Variants in CAMK1D observed in about 807,000 individuals in gnomAD.
CAMK1D encodes the protein calcium/calmodulin dependent protein kinase ID, also known as calcium/calmodulin-dependent protein kinase type 1D.
CAMK1D carries 9 observed loss-of-function variants against 47.7 expected under a neutral mutation model. The ratio of observed to expected loss-of-function variants is 0.19; its 90% CI spans 0.11 to 0.33. The LOEUF (loss-of-function observed/expected upper bound fraction) is 0.33, where lower values mean the gene tolerates loss of function less well. Ranked by LOEUF, CAMK1D falls within the 10% of genes least tolerant of loss-of-function variation. The pLI, the probability that CAMK1D is intolerant of heterozygous loss-of-function variation, is 1.00. For synonymous variants in CAMK1D, 184 were observed against 184.9 expected (o/e 0.99, Z 0.04); for missense variants, 291 against 488.7 (o/e 0.60, Z 3.81).
Position 12,550,244 on chromosome 10 carries a change from A to G in CAMK1D, c.93-2981A>G, listed in dbSNP as rs534065775. On this transcript the variant is annotated intron_variant, in intron 1 of 10. Coordinates refer to ENST00000619168, the MANE Select transcript of CAMK1D (RefSeq NM_153498.4). ...TTAGGGACTCAAGTGGCCAACAGGG[A>G]AACTGAATGAACGAATGAATGAATG... 3.9e-5 allele frequency among the ~76,000 whole-genome samples: 6 copies of G among 152,354 alleles called. No homozygotes were observed. In the East Asian group the frequency reaches 1.2e-3, roughly 29 times the overall value.
intron 1 of CAMK1D, among the ~76,000 whole-genome samples, chr10:12,446,046 T>C (rs1426147417): frequency 6.6e-6 from 1 of 152,214 alleles, no homozygotes; most frequent in Non-Finnish European, 1.5e-5. Context: ...TTTGCAGATA[T>C]GAAATACAGT....
At chr10:12,490,660 A>G (rs2492952) in intron 1 of CAMK1D, among the ~76,000 whole-genome samples, 33,217 of 152,166 alleles carry the variant, frequency 0.22, 3,995 homozygotes, top group East Asian at 0.37. Context: ...AGCCTGGCCA[A>G]TATGGTGAAA....
intron 1 of CAMK1D, among the ~76,000 whole-genome samples, chr10:12,510,222 C>T (rs1834998690): frequency 6.6e-6 from 1 of 152,210 alleles, no homozygotes; most frequent in Non-Finnish European, 1.5e-5. Context: ...CAAGACCAGC[C>T]TGGCCAACAT....
intron 1 of CAMK1D, among the ~76,000 whole-genome samples, chr10:12,363,050 C>A (rs34289642): frequency 6.6e-6 from 1 of 151,358 alleles, no homozygotes; most frequent in East Asian, 1.9e-4. Context: ...AAGCAATTCT[C>A]CTGTCTCAGC....
chr10:12,432,393 A>G (rs1312060469), intron 1 of CAMK1D, among the ~76,000 whole-genome samples: 3 of 152,210 alleles, frequency 2.0e-5, no homozygotes, highest in Admixed American at 2.0e-4. Flanking sequence ...TGGTTTGAAG[A>G]CTTTTGCTTT....
chr10:12,550,079 G>A (rs2132266249), intron 1 of CAMK1D, among the ~76,000 whole-genome samples: 3 of 152,342 alleles, frequency 2.0e-5, no homozygotes, highest in African/African-American at 7.2e-5. Context: ...GCGAGGGGCA[G>A]CCCAGGAGGA....
intron 1 of CAMK1D, among the ~76,000 whole-genome samples, chr10:12,439,652 A>G (rs1413446060): frequency 6.6e-6 from 1 of 152,148 alleles, no homozygotes; most frequent in African/African-American, 2.4e-5. Context: ...GGGATCGAGG[A>G]CTTACTTGTT....
At chr10:12,498,590 A>C (rs1476956858) in intron 1 of CAMK1D, among the ~76,000 whole-genome samples, 1 of 152,246 alleles carries the variant, frequency 6.6e-6, no homozygotes, top group African/African-American at 2.4e-5. Flanking sequence ...GCGTTGAGTT[A>C]GTTCTCATCA....
chr10:12,351,111 C>A (rs970268253), intron 1 of CAMK1D, among the ~76,000 whole-genome samples: 1 of 152,132 alleles, frequency 6.6e-6, no homozygotes, highest in Non-Finnish European at 1.5e-5. Context: ...TTTCCCCTCA[C>A]CCCCACGCAG....
chr10:12,478,642 A>G (rs966879319), intron 1 of CAMK1D, among the ~76,000 whole-genome samples: 3 of 152,086 alleles, frequency 2.0e-5, no homozygotes, highest in Admixed American at 6.6e-5. Flanking sequence ...TCCAAATCCA[A>G]GGTACTTGAG....
At chr10:12,566,095 G>C (rs776987799) in intron 2 of CAMK1D, among the ~76,000 whole-genome samples, 2 of 152,130 alleles carry the variant, frequency 1.3e-5, no homozygotes, top group Non-Finnish European at 2.9e-5. Flanking sequence ...TCAGGATAAT[G>C]GGGATGATAA....
At chr10:12,785,458 C>T (rs1217478342) in intron 5 of CAMK1D, among the ~76,000 whole-genome samples, 3 of 152,190 alleles carry the variant, frequency 2.0e-5, no homozygotes, top group African/African-American at 4.8e-5. Context: ...CCCAATCACA[C>T]GTGAATTCTG....
At chr10:12,814,504 C>T (rs1017580010) in intron 7 of CAMK1D, among the ~76,000 whole-genome samples, 197 bp downstream of exon 7, 2 of 152,162 alleles carry the variant, frequency 1.3e-5, no homozygotes, top group Non-Finnish European at 2.9e-5. Context: ...GCTCTGGAGG[C>T]TGGGAAGTCC....
At position 12,436,208 on chromosome 10, in the gene CAMK1D, CGT is replaced by C. The variant is rs1206805644; in HGVS notation, c.92+86299_92+86300del. On this transcript the variant is annotated intron_variant, in intron 1 of 10. Transcript: ENST00000619168. ...CTGGTTCCTTGGTCTTCCTCTTCCA[CGT>C]ACAGGCTTCACATGTGTGCCCAGGG... Among the ~76,000 whole-genome samples the C allele has an allele frequency of 2.0e-5, 3 of 152,286 alleles. No individual in the cohort carries two copies. In the East Asian group the frequency reaches 5.8e-4, roughly 29 times the overall value.
chr10:12,694,299 T>TGTATAATATATAATATATATTATATATA (rs1404284891), intron 3 of CAMK1D, among the ~76,000 whole-genome samples: 1 of 71,784 alleles, frequency 1.4e-5, no homozygotes, highest in African/African-American at 5.7e-5. Context: ...ATATATATTA[T>TGTATAATATATAATATATATTATATATA]ATATAAAATA....
intron 6 of CAMK1D, among the ~76,000 whole-genome samples, chr10:12,797,781 T>TG (rs1359425198): frequency 1.3e-5 from 2 of 152,186 alleles, no homozygotes; most frequent in African/African-American, 4.8e-5. Flanking sequence ...TGTGAGTCCC[T>TG]GCAGCTTTAG....
intron 1 of CAMK1D, among the ~76,000 whole-genome samples, chr10:12,355,676 T>G (rs1367143728): frequency 6.6e-6 from 1 of 152,144 alleles, no homozygotes; most frequent in East Asian, 1.9e-4. Flanking sequence ...CCCGAGGGTA[T>G]CCCCGCTGCA....
At chr10:12,722,727 T>C (rs533133535) in intron 3 of CAMK1D, among the ~76,000 whole-genome samples, 23 of 152,270 alleles carry the variant, frequency 1.5e-4, no homozygotes, top group Middle Eastern at 3.4e-3. Flanking sequence ...CTTGAAGCTA[T>C]AAGATTAAAA....
chr10:12,805,526 A>G (rs932523141), intron 6 of CAMK1D, among the ~76,000 whole-genome samples: 13 of 151,790 alleles, frequency 8.6e-5, no homozygotes, highest in Admixed American at 6.6e-4. Context: ...GTGCGCCACC[A>G]TGCTCGGCTA....
Sources: allele counts gnomAD v4.1 joint callset (sites outside exome capture counted in the v4.1 genomes callset), GRCh38; gene constraint gnomAD v4.1.1; transcripts MANE v1.5; gene names NCBI Gene and HGNC (gene_info 2026-07-23, HGNC 2026-07-21).